SLC36A2: variants seen among roughly 807,000 people sequenced by gnomAD.
The protein encoded by SLC36A2 is proton-coupled amino acid transporter 2.
In SLC36A2, 39 loss-of-function variants were observed where a neutral mutation model predicts 42.7. That is an observed-to-expected ratio of 0.91 (90% CI 0.71 to 1.19). The LOEUF is 1.19. Among genes scored for constraint, SLC36A2 ranks in the 50% most tolerant of loss-of-function variants. The pLI is 0.00. For missense variants in SLC36A2, 590 were observed against 613.7 expected (o/e 0.96, Z 0.41); for synonymous variants, 237 against 240.8 (o/e 0.98, Z 0.15).
chr5:151,332,804 T>C (rs1756035596), intron 7 of SLC36A2, among the ~76,000 whole-genome samples: 1 of 152,218 alleles, frequency 6.6e-6, no homozygotes, highest in African/African-American at 2.4e-5. Flanking sequence ...AAAGTAACTT[T>C]TAAAAATATA....
Position 151,333,255 on chromosome 5 carries a change from G to A in SLC36A2, c.812C>T (p.Thr271Ile), listed in dbSNP as rs771861509. 15 of 1,613,954 alleles carry A rather than the reference G, an allele frequency of 9.3e-6. No individual in the cohort carries two copies. In the Admixed American group the frequency reaches 2.3e-4, roughly 25 times the overall value. Residue 271 changes from threonine (T) to isoleucine (I), a missense_variant, in exon 7 of 10, where the codon ACA (threonine) becomes ATA (isoleucine). Physicochemically the swap from Thr to Ile is moderately conservative, Grantham distance 89 (BLOSUM62 -1). Coordinates refer to ENST00000335244, the MANE Select transcript of SLC36A2 (RefSeq NM_181776.3). ...SWKTYPLFFG[T>I]AIFSFESIGV... ...AATGCTTTCAAAAGAAAAAATGGCT[G>A]TTCCGAAGAAGAGAGGGTAGGTCTT...
At chr5:151,333,137 G>A (rs754243047) in intron 7 of SLC36A2, 87 bp downstream of exon 7, 61 of 1,223,350 alleles carry the variant, frequency 5.0e-5, no homozygotes, top group East Asian at 1.2e-4. Flanking sequence ...AATGGCCAGC[G>A]GGACACAGAA....
intron 9 of SLC36A2, among the ~76,000 whole-genome samples, chr5:151,317,513 A>G (rs1054544258): frequency 1.3e-5 from 2 of 152,102 alleles, no homozygotes; most frequent in Admixed American, 6.6e-5. Context: ...CAGAAATTCA[A>G]TTACAGAAAG....
At chr5:151,340,047 G>A (rs1005280598) in intron 4 of SLC36A2, among the ~76,000 whole-genome samples, 3 of 151,786 alleles carry the variant, frequency 2.0e-5, no homozygotes, top group Non-Finnish European at 4.4e-5. Flanking sequence ...GGAGGAAGAG[G>A]GAGGGACAAA....
At position 151,316,044 on chromosome 5, in the gene SLC36A2, C is replaced by G. The variant is rs1048813594; in HGVS notation, c.*773G>C. On this transcript the variant is annotated 3_prime_UTR_variant, in exon 10 of 10. Coordinates refer to ENST00000335244, the MANE Select transcript of SLC36A2 (RefSeq NM_181776.3). ...GCCCTACCCATCTCAACACTGGAGC[C>G]GTGCACAACTTTCTGGCTTGTGGAT... The G allele has an allele frequency of 2.0e-5, 3 of 152,236 alleles. No individual in the cohort carries two copies. The highest frequency in any genetic ancestry group is 7.2e-5 in the African/African-American group (3 of 41,450). 9.4% of individuals were successfully genotyped at this position (152,236 alleles called of 1,614,324 possible). A position where few individuals can be genotyped will look rare whatever the true frequency, so the allele number is the denominator to read the frequency against.
intron 4 of SLC36A2, among the ~76,000 whole-genome samples, chr5:151,341,347 C>T (rs1296054262): frequency 1.3e-5 from 2 of 152,184 alleles, no homozygotes; most frequent in African/African-American, 2.4e-5. Context: ...GTGGATTACT[C>T]TTGTGAGTAT....
chr5:151,333,466 C>T (rs914964728), intron 6 of SLC36A2, 144 bp from the exon 7 acceptor site: 14 of 701,146 alleles, frequency 2.0e-5, no homozygotes, highest in African/African-American at 7.1e-5. Context: ...ATGTAGGCCA[C>T]GATCAAAGTT....
intron 9 of SLC36A2, among the ~76,000 whole-genome samples, chr5:151,318,725 CAA>C: frequency 6.6e-6 from 1 of 151,408 alleles, no homozygotes; most frequent in African/African-American, 2.4e-5. Context: ...ATTTATAATA[CAA>C]AGAGATCTTC....
chr5:151,342,590 G>A (rs1256091512), intron 4 of SLC36A2, among the ~76,000 whole-genome samples: 1 of 152,226 alleles, frequency 6.6e-6, no homozygotes, highest in East Asian at 1.9e-4. Flanking sequence ...TGAGGGCAAA[G>A]TCTTGTTCTT....
chr5:151,335,260 A>T, intron 6 of SLC36A2, 69 bp downstream of exon 6: 1 of 1,262,808 alleles, frequency 7.9e-7, no homozygotes, highest in Non-Finnish European at 1.1e-6. Flanking sequence ...CCAGGTATCT[A>T]AAGCTCAGTC....
At chr5:151,321,825 G>T (rs1308732303) in intron 9 of SLC36A2, 1 of 500,314 alleles carries the variant, frequency 2.0e-6, no homozygotes, top group Non-Finnish European at 3.7e-6. Flanking sequence ...TTACAGGCAC[G>T]TGCCACCACG....
intron 7 of SLC36A2, among the ~76,000 whole-genome samples, chr5:151,330,623 T>C (rs1755969115): frequency 6.6e-6 from 1 of 152,182 alleles, no homozygotes; most frequent in Non-Finnish European, 1.5e-5. Context: ...GCGACAGAAA[T>C]GGTAAATATC....
intron 9 of SLC36A2, among the ~76,000 whole-genome samples, chr5:151,319,962 A>C (rs1212366095): frequency 1.3e-5 from 2 of 152,208 alleles, no homozygotes; most frequent in Non-Finnish European, 2.9e-5. Context: ...CTTAGAACTT[A>C]TCTATAGATT....
intron 7 of SLC36A2, among the ~76,000 whole-genome samples, chr5:151,327,273 G>A (rs10050870): frequency 0.08 from 12,224 of 152,138 alleles, 823 homozygotes; most frequent in African/African-American, 0.19. Flanking sequence ...GGAAAACAAG[G>A]CTCTGAAAAT....
intron 4 of SLC36A2, among the ~76,000 whole-genome samples, chr5:151,341,213 A>G (rs1419653476): frequency 6.6e-6 from 1 of 152,194 alleles, no homozygotes; most frequent in East Asian, 1.9e-4. Flanking sequence ...TCTTCTTTAT[A>G]TGCCCAACAA....
chr5:151,336,187 T>G (rs1431350085), intron 5 of SLC36A2, among the ~76,000 whole-genome samples: 7 of 152,180 alleles, frequency 4.6e-5, no homozygotes, highest in African/African-American at 1.7e-4. Flanking sequence ...TAAATCACAG[T>G]CATGTGGCAT....
intron 1 of SLC36A2, 141 bp downstream of exon 1, chr5:151,347,156 A>G (rs934573884): frequency 1.1e-5 from 11 of 980,074 alleles, no homozygotes; most frequent in Non-Finnish European, 1.6e-5. Flanking sequence ...AGCTTGACTC[A>G]GCCCATGACT....
chr5:151,317,531 A>G (rs1199524725), intron 9 of SLC36A2, among the ~76,000 whole-genome samples: 3 of 152,120 alleles, frequency 2.0e-5, no homozygotes, highest in African/African-American at 7.2e-5. Flanking sequence ...AAGAAAAGTT[A>G]AAAGTCCTCC....
chr5:151,320,056 C>T (rs1755637748), intron 9 of SLC36A2, among the ~76,000 whole-genome samples: 1 of 152,068 alleles, frequency 6.6e-6, no homozygotes, highest in Non-Finnish European at 1.5e-5. Context: ...ACATATGTAT[C>T]AGTGTATCAA....
Sources: allele counts gnomAD v4.1 joint callset (sites outside exome capture counted in the v4.1 genomes callset), GRCh38; gene constraint gnomAD v4.1.1; transcripts MANE v1.5; gene names NCBI Gene and HGNC (gene_info 2026-07-23, HGNC 2026-07-21).